Variants in TENM4 observed in about 807,000 individuals in gnomAD.
TENM4 encodes the protein teneurin-4.
TENM4 carries 82 observed loss-of-function variants against 243.3 expected under a neutral mutation model. The ratio of observed to expected loss-of-function variants is 0.34; its 90% CI spans 0.28 to 0.40. The LOEUF (loss-of-function observed/expected upper bound fraction) is 0.40, where lower values mean the gene tolerates loss of function less well. Among genes scored for constraint, TENM4 ranks in the 10% least tolerant of loss-of-function variants. The probability of loss-of-function intolerance (pLI) is 1.00; values close to 1 mark genes in which losing one functional copy is unlikely to be tolerated. For synonymous variants in TENM4, 1,412 were observed against 1,456.3 expected, an observed-to-expected ratio of 0.97 and a Z score of 0.69; for missense variants, 3,138 against 3,673.3, an observed-to-expected ratio of 0.85 and a Z score of 3.77.
At chr11:79,425,031 C>T (rs545328568) in intron 1 of TENM4, among the ~76,000 whole-genome samples, 6 of 152,296 alleles carry the variant, frequency 3.9e-5, no homozygotes, top group African/African-American at 1.2e-4. Context: ...GACTCTTCAG[C>T]TGATAATGTC....
intron 4 of TENM4, among the ~76,000 whole-genome samples, chr11:79,121,910 A>G (rs1861753153): frequency 6.6e-6 from 1 of 152,206 alleles, no homozygotes; most frequent in Non-Finnish European, 1.5e-5. Flanking sequence ...TTATGAGTGA[A>G]CATATGCAAA....
chr11:79,131,516 A>C (rs535934477), intron 4 of TENM4, among the ~76,000 whole-genome samples: 1 of 152,238 alleles, frequency 6.6e-6, no homozygotes, highest in Non-Finnish European at 1.5e-5. Context: ...CACTACAAGA[A>C]CTACTAAAGG....
chr11:79,425,473 T>G (rs1031637446), intron 1 of TENM4, among the ~76,000 whole-genome samples: 3 of 150,866 alleles, frequency 2.0e-5, no homozygotes, highest in Non-Finnish European at 4.4e-5. Flanking sequence ...GGTTAGCTAC[T>G]AAGAGACTAG....
chr11:79,156,601 C>A (rs1219968342), intron 3 of TENM4, among the ~76,000 whole-genome samples: 1 of 152,158 alleles, frequency 6.6e-6, no homozygotes. Context: ...GCCTTCCTCA[C>A]CCTCTGTCTA....
intron 6 of TENM4, among the ~76,000 whole-genome samples, chr11:79,057,796 C>T (rs1441660254): frequency 6.6e-6 from 1 of 152,124 alleles, no homozygotes; most frequent in Admixed American, 6.5e-5. Context: ...ACTCTGCCAC[C>T]CTATTCCCAG....
At position 79,138,774 on chromosome 11, in the gene TENM4, CAT is replaced by C. The variant is rs1411362176; in HGVS notation, c.-66+9934_-66+9935del. On this transcript the variant is annotated intron_variant, in intron 4 of 33. Coordinates refer to ENST00000278550, the MANE Select transcript of TENM4 (RefSeq NM_001098816.3). ...ATTATATTTATATAAATACATAAAA[CAT>C]ACATTATATTTATATAAATACATAA... Among the ~76,000 whole-genome samples the C allele has an allele frequency of 6.5e-5, 7 of 108,274 alleles. No homozygotes were observed. In the East Asian group the frequency reaches 1.4e-3, roughly 22 times the overall value. The allele number at this position is 108,274 out of a possible 152,430, so 71.0% of individuals were successfully genotyped here.
chr11:78,672,393 G>A, intron 30 of TENM4, 64 bp from the exon 31 acceptor site: 1 of 1,539,264 alleles, frequency 6.5e-7, no homozygotes, highest in Non-Finnish European at 8.8e-7. Flanking sequence ...GGTCTGATGG[G>A]CCACGTTGCT....
chr11:78,690,260 A>G (rs1858787431), intron 28 of TENM4, among the ~76,000 whole-genome samples: 1 of 152,144 alleles, frequency 6.6e-6, no homozygotes. Context: ...TCTGAGATGC[A>G]TGTCCAGAGA....
In TENM4 at chr11:78,770,984, A is replaced by G; in HGVS notation, c.2539+8T>C. 1 of 1,578,674 alleles carries G rather than the reference A, an allele frequency of 6.3e-7. No homozygotes were observed. The highest frequency in any genetic ancestry group is 8.6e-7 in the Non-Finnish European group (1 of 1,162,120). ...GCCGCCTGGAGCCCATGGGTGCCAG[A>G]GCCCTACCTCCATCATTGTCTTTGC... is the stretch of plus-strand genomic sequence containing the variant. On this transcript the variant is annotated splice_region_variant and intron_variant, in intron 18 of 33. Transcript: ENST00000278550.
rs1258070872 is a variant in TENM4 at position 78,786,807 on chromosome 11, G to A, written c.2365+91C>T. 2.5e-5 allele frequency: 37 copies of A among 1,506,544 alleles called. No homozygotes were observed. In the East Asian group the frequency reaches 5.2e-4, roughly 21 times the overall value. The allele number at this position is 1,506,544 out of a possible 1,614,324, so 93.3% of individuals were successfully genotyped here. On this transcript the variant is annotated intron_variant, in intron 16 of 33. Coordinates refer to ENST00000278550, the MANE Select transcript of TENM4 (RefSeq NM_001098816.3). ...GACTTTCTTCCCCATCCCCACATGCGATGAGGGCCCAGGCTGGCCCTGAAA... is the reference window on the plus strand; with the variant it reads ...GACTTTCTTCCCCATCCCCACATGCAATGAGGGCCCAGGCTGGCCCTGAAA...
chr11:79,007,204 T>C (rs1858507839), intron 6 of TENM4, among the ~76,000 whole-genome samples: 1 of 152,194 alleles, frequency 6.6e-6, no homozygotes, highest in African/African-American at 2.4e-5. Flanking sequence ...AGAACCCTAA[T>C]ACTGTGCCTA....
intron 10 of TENM4, among the ~76,000 whole-genome samples, chr11:78,857,749 G>A (rs1389783162): frequency 1.3e-5 from 2 of 152,244 alleles, no homozygotes; most frequent in South Asian, 2.1e-4. Flanking sequence ...AAACCACCAC[G>A]CTGTGATTCA....
At chr11:78,940,112 T>C (rs1591147185) in intron 6 of TENM4, among the ~76,000 whole-genome samples, 2 of 152,166 alleles carry the variant, frequency 1.3e-5, no homozygotes, top group East Asian at 3.8e-4. Context: ...ATATATACAT[T>C]TCCTCCTAGT....
intron 2 of TENM4, among the ~76,000 whole-genome samples, chr11:79,227,516 T>C (rs1230383411): frequency 6.6e-6 from 1 of 152,192 alleles, no homozygotes; most frequent in African/African-American, 2.4e-5. Flanking sequence ...TCTCAGTGCT[T>C]GGGCTGGGAT....
Position 78,669,862 on chromosome 11 carries a change from C to T in TENM4, c.6483G>A (p.Ser2161=), listed in dbSNP as rs368017099. ...ACTGGACGGTCATCCAGTACATGAG[C>T]GAGCGGAAGATCTCATACTGCACTT... ...MKEVQYEIFR[S]LMYWMTVQYD... Residue 2161 remains serine, a synonymous_variant, in exon 32 of 34, where the codon TCG becomes TCA. Transcript: ENST00000278550. This position sits in a 1 kb window ranked among gnomAD's most constrained non-coding sequence, Gnocchi z 6.4. 5.9e-5 allele frequency: 95 copies of T among 1,613,668 alleles called. No homozygotes were observed. The African/African-American group carries it at 8.8e-4, about 15-fold the overall frequency.
chr11:79,288,173 T>C (rs1856290548), intron 2 of TENM4, among the ~76,000 whole-genome samples: 1 of 152,250 alleles, frequency 6.6e-6, no homozygotes, highest in South Asian at 2.1e-4. Context: ...CCAGCTGGAC[T>C]GGCCACAGTT....
chr11:79,300,056 G>C (rs780041265), intron 1 of TENM4, among the ~76,000 whole-genome samples: 12 of 152,180 alleles, frequency 7.9e-5, no homozygotes, highest in Non-Finnish European at 1.6e-4. Context: ...CCACCAACCT[G>C]AGTCAGAATT....
At chr11:79,055,961 C>A (rs1859933364) in intron 6 of TENM4, among the ~76,000 whole-genome samples, 1 of 152,190 alleles carries the variant, frequency 6.6e-6, no homozygotes, top group African/African-American at 2.4e-5. Flanking sequence ...AAACCAGATT[C>A]ATCCCTGGAC....
At chr11:79,074,209 A>G (rs1860481798) in intron 4 of TENM4, among the ~76,000 whole-genome samples, 1 of 152,178 alleles carries the variant, frequency 6.6e-6, no homozygotes, top group African/African-American at 2.4e-5. Context: ...TTTTGAACAG[A>G]TGGGAGGTCA....
Sources: gnomAD v4.1 joint callset for allele counts (sites outside exome capture counted in the v4.1 genomes callset) on GRCh38, gnomAD v4.1.1 for gene constraint, Gnocchi (gnomAD v3.1) non-coding constraint, MANE v1.5 for transcripts, NCBI Gene and HGNC (gene_info 2026-07-23, HGNC 2026-07-21) for gene names.